SETD3: variants seen among roughly 807,000 people sequenced by gnomAD.
SETD3 encodes SET domain containing 3, actin N3(tau)-histidine methyltransferase.
SETD3 carries 19 observed loss-of-function variants against 63.0 expected under a neutral mutation model. The observed-to-expected ratio is 0.30, with a 90% CI of 0.21 to 0.44. The LOEUF is 0.44. SETD3 is among the 20% of genes least tolerant of loss of function. The pLI, the probability that SETD3 is intolerant of heterozygous loss-of-function variation, is 1.00. For synonymous variants in SETD3, 286 were observed against 264.1 expected (o/e 1.08, Z -0.80); for missense variants, 587 against 728.5 (o/e 0.81, Z 2.24).
chr14:99,431,541 G>C (rs1484122275), intron 6 of SETD3, among the ~76,000 whole-genome samples: 1 of 151,932 alleles, frequency 6.6e-6, no homozygotes, highest in African/African-American at 2.4e-5. Context: ...GCCCAGGCTG[G>C]AGTGCAGTGG....
chr14:99,473,204 A>G (rs979918995), intron 1 of SETD3, among the ~76,000 whole-genome samples: 1 of 152,236 alleles, frequency 6.6e-6, no homozygotes, highest in Non-Finnish European at 1.5e-5. Flanking sequence ...CTGCCAATCA[A>G]GCGATTCTTT....
chr14:99,458,375 TTCA>T lies in SETD3; in HGVS notation c.576_578del (p.Asp192del), dbSNP rs748875088. ...CTTGTGTGGACTGAAGATACCGAAC[TTCA>T]TCTTCTTCAAAGTAGAGAGGAGTGT... On this transcript the variant is annotated inframe_deletion, in exon 6 of 13. Coordinates refer to ENST00000331768, the MANE Select transcript of SETD3 (RefSeq NM_032233.3). 2 of 1,614,116 alleles carry T rather than the reference TTCA, an allele frequency of 1.2e-6. No individual in the cohort carries two copies. Among genetic ancestry groups the T allele is most frequent in the Non-Finnish European group, 1.7e-6 (2 of 1,180,028 alleles).
At chr14:99,458,972 A>C (rs535690680) in intron 5 of SETD3, 141 bp downstream of exon 5, 1 of 567,232 alleles carries the variant, frequency 1.8e-6, no homozygotes, top group African/African-American at 1.9e-5. Context: ...TATAACATTA[A>C]ATGAAAAACA....
intron 6 of SETD3, among the ~76,000 whole-genome samples, chr14:99,444,952 T>C (rs1894048261): frequency 6.6e-6 from 1 of 152,200 alleles, no homozygotes; most frequent in African/African-American, 2.4e-5. Context: ...TAAAGTTTTT[T>C]TAAAAAGGCC....
At position 99,399,741 on chromosome 14, in the gene SETD3, A is replaced by AATTTTTTTTT. The variant is rs1566869064; in HGVS notation, c.1338+357_1338+358insAAAAAAAAAT. ...GAATTAACAAGAAATCTTTCATTAA[A>AATTTTTTTTT]TTTTTTTTTTTTTTTTTTTTTTTTT... On this transcript the variant is annotated intron_variant, in intron 12 of 12. Coordinates refer to ENST00000331768, the MANE Select transcript of SETD3 (RefSeq NM_032233.3). Among the ~76,000 whole-genome samples the AATTTTTTTTT allele has an allele frequency of 3.9e-5, 5 of 127,728 alleles. 2 individuals are homozygous for AATTTTTTTTT. Among genetic ancestry groups the AATTTTTTTTT allele is most frequent in the South Asian group, 2.4e-4 (1 of 4,106 alleles). The allele number at this position is 127,728 out of a possible 152,430, so 83.8% of individuals were successfully genotyped here.
rs183654870 is a variant in SETD3, at chr14:99,454,014, G to A, written c.675+4265C>T. On this transcript the variant is annotated intron_variant, in intron 6 of 12. Transcript: ENST00000331768. ...AAGACTGCGCTTTTCACACTGGAGC[G>A]TGAGACAACCCAAGGTCTTAGGAGA... is the stretch of plus-strand genomic sequence containing the variant. 1.4e-4 allele frequency among the ~76,000 whole-genome samples: 22 copies of A among 152,282 alleles called. No individual in the cohort carries two copies. The East Asian group carries it at 1.7e-3, about 12-fold the overall frequency.
intron 6 of SETD3, among the ~76,000 whole-genome samples, chr14:99,422,250 A>G (rs1004531244): frequency 1.3e-5 from 2 of 152,238 alleles, no homozygotes; most frequent in African/African-American, 4.8e-5. Context: ...CACTAGAATG[A>G]TGCCACATCG....
At chr14:99,465,204 G>C (rs1011369658) in intron 2 of SETD3, among the ~76,000 whole-genome samples, 2 of 152,144 alleles carry the variant, frequency 1.3e-5, no homozygotes. Context: ...TTCCAGTGAG[G>C]GGCAGAGCTC....
chr14:99,426,187 T>G (rs1282017547), intron 6 of SETD3, among the ~76,000 whole-genome samples: 1 of 152,230 alleles, frequency 6.6e-6, no homozygotes, highest in East Asian at 1.9e-4. Context: ...AATCTACATA[T>G]GACCTCCAGT....
rs1311402682 is a variant in SETD3 at position 99,458,341 on chromosome 14, CATGT to C, written c.609_612del (p.Ile203MetfsTer32). The C allele has an allele frequency of 6.2e-7, 1 of 1,614,128 alleles. No homozygotes were observed. The highest frequency in any genetic ancestry group is 1.6e-4 in the Middle Eastern group (1 of 6,062). ...GTGTTTTTATACTGGCTGAAGACAT[CATGT>C]ATAGCTTGTGTGGACTGAAGATACC... is the stretch of plus-strand genomic sequence containing the variant. On this transcript the variant is annotated frameshift_variant, in exon 6 of 13. Coordinates refer to ENST00000331768, the MANE Select transcript of SETD3 (RefSeq NM_032233.3). LOFTEE classifies it high-confidence loss of function.
intron 1 of SETD3, among the ~76,000 whole-genome samples, chr14:99,467,436 A>AGGGCACAGCCT (rs1895449534): frequency 6.6e-6 from 1 of 152,364 alleles, no homozygotes; most frequent in South Asian, 2.1e-4. Context: ...GCCAAGAGCA[A>AGGGCACAGCCT]GGGCACAGCC....
upstream of SETD3, among the ~76,000 whole-genome samples, chr14:99,481,866 T>G (rs1466730883): frequency 6.6e-6 from 1 of 152,238 alleles, no homozygotes; most frequent in Non-Finnish European, 1.5e-5. Context: ...AGTCCCAACC[T>G]TGGCTAGGCC....
At chr14:99,485,722 C>T (rs1566745598), upstream of SETD3, among the ~76,000 whole-genome samples, 1 of 152,122 alleles carries the variant, frequency 6.6e-6, no homozygotes, top group African/African-American at 2.4e-5. Context: ...CAGCCAGGCA[C>T]GGTGGCTTAT....
At position 99,458,493 on chromosome 14, in the gene SETD3, T is replaced by C. The variant is rs1437154673; in HGVS notation, c.461A>G (p.Asn154Ser). The C allele has an allele frequency of 1.7e-5, 28 of 1,614,174 alleles. No homozygotes were observed. The highest frequency in any genetic ancestry group is 2.3e-5 in the Non-Finnish European group (27 of 1,180,020). Residue 154 changes from asparagine to serine, a missense_variant, in exon 6 of 13, where the codon AAC (asparagine) becomes AGC (serine). Coordinates refer to ENST00000331768, the MANE Select transcript of SETD3 (RefSeq NM_032233.3). ...SQDRILQAMG[N>S]IALAFHLLCE... ...CAGCAAATGAAAGGCCAGTGCGATG[T>C]TTCCCATGGCTTGAAGGATTCGGTC...
intron 8 of SETD3, 23 bp from the exon 9 acceptor site, chr14:99,406,613 AATG>A (rs1293822273): frequency 6.2e-7 from 1 of 1,609,286 alleles, no homozygotes; most frequent in East Asian, 2.2e-5. Flanking sequence ...GGAGGAAGGA[AATG>A]ATGGTGAGGC....
chr14:99,479,796 C>T (rs1320799025), intron 1 of SETD3, among the ~76,000 whole-genome samples: 1 of 152,188 alleles, frequency 6.6e-6, no homozygotes, highest in East Asian at 1.9e-4. Context: ...TGAAACATCA[C>T]CTTATTTATT....
intron 6 of SETD3, among the ~76,000 whole-genome samples, chr14:99,417,598 C>G (rs1293287561): frequency 5.3e-5 from 8 of 152,234 alleles, no homozygotes; most frequent in Non-Finnish European, 1.2e-4. Context: ...TTACACAAAT[C>G]AGCTGCAGGC....
At chr14:99,481,479 G>A, upstream of SETD3, 1 of 398,718 alleles carries the variant, frequency 2.5e-6, no homozygotes, top group Non-Finnish European at 4.4e-6. Context: ...TGAAGCGAGG[G>A]GTGAGTGACC....
Position 99,459,111 on chromosome 14 carries a change from A to G in SETD3, c.418+2T>C, listed in dbSNP as rs1894928459. The G allele has an allele frequency of 6.2e-7, 1 of 1,607,838 alleles. No homozygotes were observed. The highest frequency in any genetic ancestry group is 1.7e-5 in the Admixed American group (1 of 58,870). On this transcript the variant is annotated splice_donor_variant, in intron 5 of 12. Coordinates refer to ENST00000331768, the MANE Select transcript of SETD3 (RefSeq NM_032233.3). LOFTEE classifies it high-confidence loss of function. ...CCTTGAAGAGTCAGAAATTATTCTC[A>G]CCCAACACTGAATTTTTAGCAGATT...
Sources: allele counts gnomAD v4.1 joint callset (sites outside exome capture counted in the v4.1 genomes callset), GRCh38; gene constraint gnomAD v4.1.1; transcripts MANE v1.5; gene names NCBI Gene and HGNC (gene_info 2026-07-23, HGNC 2026-07-21).